TNR: variants seen among roughly 807,000 people sequenced by gnomAD.
The protein encoded by TNR is tenascin-R.
Under a neutral mutation model 150.4 loss-of-function variants are expected in TNR, and 45 were observed. The ratio of observed to expected loss-of-function variants is 0.30; its 90% CI spans 0.24 to 0.38. TNR has a LOEUF of 0.38. Ranked by LOEUF, TNR falls within the 10% of genes least tolerant of loss-of-function variation. The pLI is 1.00. For synonymous variants in TNR, 687 were observed against 678.4 expected, an observed-to-expected ratio of 1.01 and a Z score of -0.20; for missense variants, 1,544 against 1,759.1, an observed-to-expected ratio of 0.88 and a Z score of 2.19.
intron 1 of TNR, among the ~76,000 whole-genome samples, chr1:175,623,638 C>A (rs1021676312): frequency 2.0e-5 from 3 of 152,234 alleles, no homozygotes; most frequent in Non-Finnish European, 2.9e-5. Context: ...CCATGGAACA[C>A]CCTGTAGCCC....
At chr1:175,478,092 T>G (rs1201446752) in intron 2 of TNR, among the ~76,000 whole-genome samples, 1 of 152,214 alleles carries the variant, frequency 6.6e-6, no homozygotes. Context: ...GGGCACACAT[T>G]TTATTCTCAA....
chr1:175,693,040 T>C (rs1220159259), intron 1 of TNR, among the ~76,000 whole-genome samples: 4 of 152,224 alleles, frequency 2.6e-5, no homozygotes, highest in East Asian at 1.9e-4. Flanking sequence ...ACCTCTGCAC[T>C]TGTAAAGTTA....
intron 1 of TNR, among the ~76,000 whole-genome samples, chr1:175,624,190 A>G (rs890566897): frequency 2.6e-5 from 4 of 152,082 alleles, no homozygotes; most frequent in African/African-American, 9.7e-5. Flanking sequence ...CTCTTAATGT[A>G]TCTTTTGGTA....
chr1:175,376,790 C>T (rs1371812206), intron 9 of TNR, among the ~76,000 whole-genome samples: 1 of 151,270 alleles, frequency 6.6e-6, no homozygotes. Context: ...TTATGTTAAG[C>T]TATTTGCCTC....
chr1:175,437,248 A>G (rs892149042), intron 2 of TNR, among the ~76,000 whole-genome samples: 14 of 152,064 alleles, frequency 9.2e-5, no homozygotes, highest in African/African-American at 2.9e-4. Context: ...CAACTACATG[A>G]AAACTGAACA....
chr1:175,416,909 G>A (rs1036129992), intron 2 of TNR, among the ~76,000 whole-genome samples: 5 of 152,136 alleles, frequency 3.3e-5, no homozygotes, highest in African/African-American at 9.7e-5. Flanking sequence ...TCGGGAGGCT[G>A]AGGCAGGAGA....
At chr1:175,692,063 A>G (rs1273200807) in intron 1 of TNR, among the ~76,000 whole-genome samples, 1 of 152,238 alleles carries the variant, frequency 6.6e-6, no homozygotes, top group Non-Finnish European at 1.5e-5. Context: ...TTCCCATGAC[A>G]TACTTCACAG....
At chr1:175,606,679 C>T (rs1663413490) in intron 1 of TNR, among the ~76,000 whole-genome samples, 1 of 152,086 alleles carries the variant, frequency 6.6e-6, no homozygotes, top group Non-Finnish European at 1.5e-5. Context: ...TGCCCAGGAC[C>T]CCCCACCCGA....
chr1:175,534,892 G>A (rs1249427118), intron 1 of TNR, among the ~76,000 whole-genome samples: 5 of 152,278 alleles, frequency 3.3e-5, no homozygotes, highest in African/African-American at 1.2e-4. Context: ...TCATGATAGT[G>A]AGTGAGTTCT....
chr1:175,614,858 G>C (rs1299705139), intron 1 of TNR, among the ~76,000 whole-genome samples: 2 of 152,208 alleles, frequency 1.3e-5, no homozygotes, highest in Non-Finnish European at 2.9e-5. Flanking sequence ...CCACACAGTG[G>C]GTGACCGGCT....
At chr1:175,354,846 C>T (rs957877338) in intron 17 of TNR, among the ~76,000 whole-genome samples, 1 of 152,190 alleles carries the variant, frequency 6.6e-6, no homozygotes, top group African/African-American at 2.4e-5. Context: ...CTAAGGCCTC[C>T]TTACTTCTAT....
At chr1:175,660,419 G>T (rs1029285493) in intron 1 of TNR, among the ~76,000 whole-genome samples, 2 of 152,220 alleles carry the variant, frequency 1.3e-5, no homozygotes, top group African/African-American at 2.4e-5. Flanking sequence ...CCAGCAGAAA[G>T]AATTTTCCTA....
chr1:175,428,745 T>C (rs1445222368), intron 2 of TNR, among the ~76,000 whole-genome samples: 1 of 152,188 alleles, frequency 6.6e-6, no homozygotes, highest in Non-Finnish European at 1.5e-5. Flanking sequence ...ATTTCAAGCT[T>C]TTTTCCCCCT....
intron 1 of TNR, among the ~76,000 whole-genome samples, chr1:175,593,559 T>A (rs75436142): frequency 6.6e-6 from 1 of 152,032 alleles, no homozygotes; most frequent in Non-Finnish European, 1.5e-5. Flanking sequence ...TTAGGAGTCA[T>A]AAGTTTTGGA....
At chr1:175,554,903 A>G (rs774646203) in intron 1 of TNR, among the ~76,000 whole-genome samples, 2 of 152,210 alleles carry the variant, frequency 1.3e-5, no homozygotes, top group Non-Finnish European at 2.9e-5. Flanking sequence ...TGAATGGAAA[A>G]TCTGTGGTGC....
At chr1:175,728,072 T>C (rs545664534) in intron 1 of TNR, among the ~76,000 whole-genome samples, 2 of 152,342 alleles carry the variant, frequency 1.3e-5, no homozygotes, top group African/African-American at 2.4e-5. Context: ...TAAGTGTGGA[T>C]AGACCAGAAA....
intron 1 of TNR, among the ~76,000 whole-genome samples, chr1:175,644,649 A>G (rs571634625): frequency 2.0e-5 from 3 of 152,224 alleles, no homozygotes; most frequent in Non-Finnish European, 2.9e-5. Flanking sequence ...TTTCTATGCA[A>G]CCAGGCTAGG....
At chr1:175,651,348 G>T (rs560918801) in intron 1 of TNR, among the ~76,000 whole-genome samples, 10 of 151,994 alleles carry the variant, frequency 6.6e-5, no homozygotes, top group Non-Finnish European at 1.2e-4. Context: ...GAGGGGAAAG[G>T]TTACCTTGAG....
intron 1 of TNR, among the ~76,000 whole-genome samples, chr1:175,720,972 A>C (rs1271070513): frequency 6.6e-6 from 1 of 152,218 alleles, no homozygotes; most frequent in African/African-American, 2.4e-5. Flanking sequence ...CATCTTGCCC[A>C]ACCCTCTCAT....
Sources: allele counts gnomAD v4.1 joint callset (sites outside exome capture counted in the v4.1 genomes callset), GRCh38; gene constraint gnomAD v4.1.1; transcripts MANE v1.5; gene names NCBI Gene and HGNC (gene_info 2026-07-23, HGNC 2026-07-21).